Variants in MSH4 observed in about 807,000 individuals in gnomAD.
MSH4 encodes mutS protein homolog 4.
In MSH4, 106 loss-of-function variants were observed where a neutral mutation model predicts 113.7. The observed-to-expected ratio is 0.93, with a 90% CI of 0.80 to 1.10. The LOEUF is 1.10. MSH4 is among the 50% of genes least tolerant of loss of function. The pLI is 0.00. For synonymous variants in MSH4, 368 were observed against 380.2 expected, an observed-to-expected ratio of 0.97 and a Z score of 0.37; for missense variants, 1,061 against 1,093.7, an observed-to-expected ratio of 0.97 and a Z score of 0.42.
intron 4 of MSH4, among the ~76,000 whole-genome samples, chr1:75,814,689 A>ACAAAAGATTACTAAAAGG (rs1362579387): frequency 6.6e-6 from 1 of 152,166 alleles, no homozygotes; most frequent in Non-Finnish European, 1.5e-5. Context: ...TACAATCTAT[A>ACAAAAGATTACTAAAAGG]CAAAAGATTA....
At chr1:75,898,821 C>A (rs371311329) in intron 18 of MSH4, among the ~76,000 whole-genome samples, 278 of 152,248 alleles carry the variant, frequency 1.8e-3, no homozygotes, top group African/African-American at 6.4e-3. Flanking sequence ...GGGAAAAAAA[C>A]CATCTTTGTT....
chr1:75,832,219 T>A (rs894577918), intron 7 of MSH4, among the ~76,000 whole-genome samples: 1 of 152,028 alleles, frequency 6.6e-6, no homozygotes, highest in Non-Finnish European at 1.5e-5. Flanking sequence ...ACATACACCC[T>A]CCCAAGACTA....
intron 8 of MSH4, among the ~76,000 whole-genome samples, chr1:75,861,509 AACAG>A (rs1311963893): frequency 2.0e-5 from 3 of 152,026 alleles, no homozygotes; most frequent in African/African-American, 7.3e-5. Context: ...TTTTCTTTCT[AACAG>A]ACAGGCCACT....
At chr1:75,813,625 A>G (rs1650233787) in intron 4 of MSH4, among the ~76,000 whole-genome samples, 1 of 152,210 alleles carries the variant, frequency 6.6e-6, no homozygotes, top group African/African-American at 2.4e-5. Context: ...GGAGCAAGCC[A>G]TGGAGGTATT....
chr1:75,815,654 C>T (rs1570944955), intron 5 of MSH4, among the ~76,000 whole-genome samples: 2 of 152,126 alleles, frequency 1.3e-5, no homozygotes, highest in Admixed American at 6.6e-5. Flanking sequence ...TACCTGTTTA[C>T]TCAGTTAATA....
chr1:75,830,389 C>G (rs1284133470), intron 7 of MSH4, among the ~76,000 whole-genome samples: 1 of 152,178 alleles, frequency 6.6e-6, no homozygotes, highest in Non-Finnish European at 1.5e-5. Context: ...AGGAGAACTT[C>G]CCCAGCCTAG....
chr1:75,864,559 G>A (rs969598089), intron 8 of MSH4, among the ~76,000 whole-genome samples: 3 of 152,080 alleles, frequency 2.0e-5, no homozygotes, highest in Admixed American at 6.5e-5. Flanking sequence ...TTTAATAAAC[G>A]TGGTTTTAAT....
At chr1:75,829,474 G>A (rs1261159811) in intron 7 of MSH4, among the ~76,000 whole-genome samples, 1 of 152,170 alleles carries the variant, frequency 6.6e-6, no homozygotes, top group Non-Finnish European at 1.5e-5. Flanking sequence ...TCTGAGAATG[G>A]ACAGACTGCC....
chr1:75,814,904 A>G, intron 4 of MSH4, 117 bp from the exon 5 acceptor site: 1 of 633,232 alleles, frequency 1.6e-6, no homozygotes. Context: ...TTCTTATTTA[A>G]ATGTTGAAAT....
chr1:75,905,867 C>G (rs1317415484), intron 19 of MSH4, among the ~76,000 whole-genome samples: 2 of 152,092 alleles, frequency 1.3e-5, no homozygotes, highest in African/African-American at 4.8e-5. Context: ...AACATAGCTA[C>G]TCCTGCTCTT....
chr1:75,812,099 A>G (rs1359540793), intron 4 of MSH4, among the ~76,000 whole-genome samples: 1 of 152,140 alleles, frequency 6.6e-6, no homozygotes, highest in African/African-American at 2.4e-5. Context: ...AGGCCTTATA[A>G]TTCTTTTGGT....
intron 1 of MSH4, among the ~76,000 whole-genome samples, chr1:75,798,812 C>G (rs1649874690): frequency 6.6e-6 from 1 of 152,156 alleles, no homozygotes; most frequent in Admixed American, 6.5e-5. Flanking sequence ...CCTACCTCAG[C>G]CTCCCAAAAT....
intron 17 of MSH4, among the ~76,000 whole-genome samples, chr1:75,896,855 C>T (rs5745533): frequency 2.0e-5 from 3 of 152,048 alleles, no homozygotes; most frequent in African/African-American, 7.2e-5. Flanking sequence ...TAGTCTCTAC[C>T]TTTTAAATAG....
At chr1:75,880,641 G>A (rs1417217948) in intron 13 of MSH4, among the ~76,000 whole-genome samples, 1 of 152,052 alleles carries the variant, frequency 6.6e-6, no homozygotes, top group East Asian at 1.9e-4. Flanking sequence ...TTCAAGGCAT[G>A]TACCACCAAC....
chr1:75,891,394 G>A (rs1169975376), intron 17 of MSH4, among the ~76,000 whole-genome samples: 1 of 151,886 alleles, frequency 6.6e-6, no homozygotes, highest in African/African-American at 2.4e-5. Context: ...ACCTTAAAAT[G>A]TCCCTAAGAT....
At chr1:75,848,368 T>C in intron 8 of MSH4, 92 bp downstream of exon 8, 1 of 1,010,546 alleles carries the variant, frequency 9.9e-7, no homozygotes, top group Non-Finnish European at 1.5e-6. Flanking sequence ...AATATCAAAA[T>C]GTTTTGGGAA....
At chr1:75,843,169 A>G (rs1322146017) in intron 7 of MSH4, among the ~76,000 whole-genome samples, 2 of 152,168 alleles carry the variant, frequency 1.3e-5, no homozygotes, top group Non-Finnish European at 2.9e-5. Context: ...CTATCATTGG[A>G]GATGACTCAC....
chr1:75,860,433 C>A (rs1234699789), intron 8 of MSH4, among the ~76,000 whole-genome samples: 1 of 152,162 alleles, frequency 6.6e-6, no homozygotes, highest in Non-Finnish European at 1.5e-5. Flanking sequence ...GTGCTTCCTG[C>A]AGGAGCTCTT....
At chr1:75,831,075 C>T (rs1275512365) in intron 7 of MSH4, among the ~76,000 whole-genome samples, 1 of 151,946 alleles carries the variant, frequency 6.6e-6, no homozygotes, top group Non-Finnish European at 1.5e-5. Context: ...CATAGGCTCA[C>T]AATAAAGGGA....
Sources: gnomAD v4.1 joint callset for allele counts (sites outside exome capture counted in the v4.1 genomes callset) on GRCh38, gnomAD v4.1.1 for gene constraint, MANE v1.5 for transcripts, NCBI Gene and HGNC (gene_info 2026-07-23, HGNC 2026-07-21) for gene names.